THSD7A: variants seen among roughly 807,000 people sequenced by gnomAD.
THSD7A encodes thrombospondin type-1 domain-containing protein 7A.
Under a neutral mutation model 231.3 loss-of-function variants are expected in THSD7A, and 96 were observed. That is an observed-to-expected ratio of 0.41 (90% CI 0.35 to 0.49). The LOEUF is 0.49. THSD7A is among the 20% of genes least tolerant of loss of function. The probability of loss-of-function intolerance (pLI) is 0.05; values close to 1 mark genes in which losing one functional copy is unlikely to be tolerated. For synonymous variants in THSD7A, 940 were observed against 743.3 expected (o/e 1.26, Z -4.30); for missense variants, 2,290 against 2,070.2 (o/e 1.11, Z -2.06).
At chr7:11,441,978 TA>T (rs537943507) in intron 13 of THSD7A, among the ~76,000 whole-genome samples, 8 of 152,186 alleles carry the variant, frequency 5.3e-5, no homozygotes, top group African/African-American at 1.4e-4. Flanking sequence ...ACTTAAAGTA[TA>T]ATTTTAAAAA....
intron 11 of THSD7A, among the ~76,000 whole-genome samples, chr7:11,454,617 T>A (rs1011111613): frequency 6.6e-6 from 1 of 151,720 alleles, no homozygotes; most frequent in Admixed American, 6.6e-5. Flanking sequence ...ACTACTACTG[T>A]ATTATTATGA....
chr7:11,393,262 C>A (rs934615282), intron 23 of THSD7A, among the ~76,000 whole-genome samples: 2 of 152,104 alleles, frequency 1.3e-5, no homozygotes, highest in African/African-American at 4.8e-5. Context: ...TGGAGTGGAC[C>A]TCCAGCAGAC....
chr7:11,604,084 A>C (rs73290860), intron 2 of THSD7A, among the ~76,000 whole-genome samples: 2,725 of 152,218 alleles, frequency 0.018, 80 homozygotes, highest in African/African-American at 0.062. Context: ...ATTAGTATTT[A>C]CAATAAACAT....
Position 11,656,917 on chromosome 7 carries a change from A to C in THSD7A, c.191-19956T>G, listed in dbSNP as rs575378860. Among the ~76,000 whole-genome samples the C allele has an allele frequency of 2.0e-5, 3 of 152,004 alleles. No individual in the cohort carries two copies. The South Asian group carries it at 6.2e-4, about 31-fold the overall frequency. Reference sequence around the variant, plus strand: ...CATTTGTTATTTTCCTTTTTTAAAAAGTATGATGAAGAGAAAAAGATTAAC... The same window carrying C: ...CATTTGTTATTTTCCTTTTTTAAAACGTATGATGAAGAGAAAAAGATTAAC... On this transcript the variant is annotated intron_variant, in intron 1 of 27. Transcript: ENST00000423059.
intron 23 of THSD7A, among the ~76,000 whole-genome samples, chr7:11,387,342 G>A (rs920944495): frequency 6.6e-6 from 1 of 152,114 alleles, no homozygotes; most frequent in Non-Finnish European, 1.5e-5. Flanking sequence ...TCCTATCCAT[G>A]ATCATGGGAT....
At chr7:11,426,718 T>C (rs748216696) in intron 14 of THSD7A, 47 bp from the exon 15 acceptor site, 1 of 1,540,454 alleles carries the variant, frequency 6.5e-7, no homozygotes, top group South Asian at 1.2e-5. Flanking sequence ...AGAAATAAGG[T>C]AGGTGAAAAT....
In THSD7A at chr7:11,400,175, G is replaced by C. The variant is rs10224667; in HGVS notation, c.4411+1620C>G. On this transcript the variant is annotated intron_variant, in intron 23 of 27. Coordinates refer to ENST00000423059, the MANE Select transcript of THSD7A (RefSeq NM_015204.3). ...GCGGCCTGTTATGGGGTCGGGGGAG[G>C]GGGGAGGGATAGCATTAGAAGATAT... Among the ~76,000 whole-genome samples, 67 of 119,504 alleles carry C rather than the reference G, an allele frequency of 5.6e-4. 2 individuals are homozygous for C. Among genetic ancestry groups the C allele is most frequent in the African/African-American group, 1.8e-3 (60 of 32,488 alleles). The allele number at this position is 119,504 out of a possible 152,430, so 78.4% of individuals were successfully genotyped here. A position where few individuals can be genotyped will look rare whatever the true frequency, so the allele number is the denominator to read the frequency against.
intron 1 of THSD7A, among the ~76,000 whole-genome samples, chr7:11,674,822 GT>G: frequency 6.6e-6 from 1 of 152,236 alleles, no homozygotes; most frequent in South Asian, 2.1e-4. Context: ...AGATTGAAAT[GT>G]CTGAAATAAC....
chr7:11,501,821 T>A, intron 6 of THSD7A, among the ~76,000 whole-genome samples: 1 of 151,864 alleles, frequency 6.6e-6, no homozygotes, highest in Admixed American at 6.6e-5. Context: ...AAAAAAACAT[T>A]CAAAAGGTCA....
In THSD7A at chr7:11,822,384, T is replaced by C. The variant is rs75105046; in HGVS notation, c.190+9373A>G. On this transcript the variant is annotated intron_variant, in intron 1 of 27. Transcript: ENST00000423059. ...TGCTGCCAAACACATAATTTTATTC[T>C]TTTTATGGCTGAATAGTATTATATT... Among the ~76,000 whole-genome samples, 647 of 152,298 alleles carry C rather than the reference T, an allele frequency of 4.2e-3. 5 individuals are homozygous for C. Among genetic ancestry groups the C allele is most frequent in the African/African-American group, 0.014 (588 of 41,572 alleles).
At chr7:11,815,083 C>CA (rs71027433) in intron 1 of THSD7A, among the ~76,000 whole-genome samples, 78,433 of 147,296 alleles carry the variant, frequency 0.53, 21,194 homozygotes, top group Middle Eastern at 0.62. Flanking sequence ...CCCTAAAACT[C>CA]AAAAAAAAAA....
Position 11,636,639 on chromosome 7 carries a change from A to T in THSD7A, c.513T>A (p.Asp171Glu), listed in dbSNP as rs761620547. The T allele has an allele frequency of 6.2e-7, 1 of 1,613,954 alleles. No homozygotes were observed. Among genetic ancestry groups the T allele is most frequent in the Admixed American group, 1.7e-5 (1 of 60,016 alleles). ...TGGGCTCAAAGTACTCACAGATGAT[A>T]TCCTCCGCAGGAATGTCTTTGTCTT... The part of the protein sequence containing the change: ...IQKDKDIPAE[D>E]IICEYFEPKP... The change falls in exon 2 of 28, where the codon GAT becomes GAA. Residue 171 changes from aspartate to glutamate, a missense_variant. Coordinates refer to ENST00000423059, the MANE Select transcript of THSD7A (RefSeq NM_015204.3). The surrounding 1 kb of genome is among the most constrained non-coding windows in gnomAD (Gnocchi z 10.0).
chr7:11,754,282 G>A (rs1782604367), intron 1 of THSD7A, among the ~76,000 whole-genome samples: 1 of 151,962 alleles, frequency 6.6e-6, no homozygotes, highest in South Asian at 2.1e-4. Context: ...GAGAGTAACG[G>A]AAGTGAGAAC....
In THSD7A at chr7:11,406,950, T is replaced by C. The variant is rs1377891050; in HGVS notation, c.4022A>G (p.Tyr1341Cys). 6.2e-7 allele frequency: 1 copy of C among 1,613,860 alleles called. No homozygotes were observed. Among genetic ancestry groups the C allele is most frequent in the Admixed American group, 1.7e-5 (1 of 59,994 alleles). The stretch of plus-strand genomic sequence containing the variant: ...AGACCACTGGCCATATTGCCACCGA[T>C]AACAAGGCTTCACTGGGCAGGGTTT... Reference protein sequence around the residue: ...QSKPCPVKPCYRWQYGQWSPC... With the variant: ...QSKPCPVKPCCRWQYGQWSPC... Residue 1341 changes from tyrosine (Y) to cysteine (C), a missense_variant, in exon 21 of 28, where the codon TAT (tyrosine) becomes TGT (cysteine). Coordinates refer to ENST00000423059, the MANE Select transcript of THSD7A (RefSeq NM_015204.3). This position sits in a 1 kb window ranked among gnomAD's most constrained non-coding sequence, Gnocchi z 4.7.
intron 1 of THSD7A, among the ~76,000 whole-genome samples, chr7:11,722,512 T>C (rs1377958656): frequency 6.6e-6 from 1 of 151,884 alleles, no homozygotes; most frequent in African/African-American, 2.4e-5. Context: ...ACTGGTCCTG[T>C]GGCCCCCACC....
intron 6 of THSD7A, among the ~76,000 whole-genome samples, chr7:11,523,575 A>C (rs1458768651): frequency 6.6e-6 from 1 of 152,112 alleles, no homozygotes; most frequent in African/African-American, 2.4e-5. Flanking sequence ...GCTAGGAAAA[A>C]CTATTAATCA....
At chr7:11,766,002 G>C (rs935576628) in intron 1 of THSD7A, among the ~76,000 whole-genome samples, 1 of 152,018 alleles carries the variant, frequency 6.6e-6, no homozygotes, top group African/African-American at 2.4e-5. Flanking sequence ...TCTCACCTTT[G>C]AGTGTACACA....
intron 1 of THSD7A, among the ~76,000 whole-genome samples, chr7:11,797,827 C>T (rs888199113): frequency 6.6e-6 from 1 of 151,902 alleles, no homozygotes; most frequent in African/African-American, 2.4e-5. Context: ...GACATCACTC[C>T]CATTAATGGC....
At chr7:11,766,856 A>T (rs1336993384) in intron 1 of THSD7A, among the ~76,000 whole-genome samples, 1 of 152,216 alleles carries the variant, frequency 6.6e-6, no homozygotes, top group Admixed American at 6.5e-5. Context: ...AAAGCTAAAA[A>T]GGACATTTTG....
Sources: gnomAD v4.1 joint callset for allele counts (sites outside exome capture counted in the v4.1 genomes callset) on GRCh38, gnomAD v4.1.1 for gene constraint, Gnocchi (gnomAD v3.1) non-coding constraint, MANE v1.5 for transcripts, NCBI Gene and HGNC (gene_info 2026-07-23, HGNC 2026-07-21) for gene names.